VPS53: variants seen among roughly 807,000 people sequenced by gnomAD.
The protein encoded by VPS53 is vacuolar protein sorting-associated protein 53 homolog.
A neutral mutation model predicts 107.0 loss-of-function variants in VPS53; 70 were observed. That is an observed-to-expected ratio of 0.65 (90% CI 0.54 to 0.80). VPS53 has a LOEUF of 0.80. Among genes scored for constraint, VPS53 ranks in the 30% least tolerant of loss-of-function variants. The pLI is 0.00. For missense variants in VPS53, 917 were observed against 1,049.4 expected (o/e 0.87, Z 1.74); for synonymous variants, 409 against 393.3 (o/e 1.04, Z -0.47).
At chr17:674,639 G>C (rs933821501) in intron 4 of VPS53, 3 of 152,240 alleles carry the variant, frequency 2.0e-5, no homozygotes, top group Non-Finnish European at 4.4e-5. Flanking sequence ...TACTGAGGGG[G>C]ACCAAGCTGG....
intron 13 of VPS53, among the ~76,000 whole-genome samples, chr17:572,848 A>G (rs1914294921): frequency 6.6e-6 from 1 of 150,750 alleles, no homozygotes; most frequent in Admixed American, 6.6e-5. Context: ...GTTAAGAGTC[A>G]TCACCACTCC....
At chr17:584,113 C>T (rs1021876411) in intron 13 of VPS53, among the ~76,000 whole-genome samples, 2 of 152,244 alleles carry the variant, frequency 1.3e-5, no homozygotes, top group East Asian at 1.9e-4. Context: ...TCCTGAAGAA[C>T]TTCCCTCAGG....
At chr17:648,365 C>G (rs1970788710) in intron 7 of VPS53, among the ~76,000 whole-genome samples, 1 of 152,174 alleles carries the variant, frequency 6.6e-6, no homozygotes, top group African/African-American at 2.4e-5. Flanking sequence ...GCCTGGCCAA[C>G]ATGGTGAAAC....
chr17:661,518 CT>C (rs1489050545), intron 5 of VPS53, among the ~76,000 whole-genome samples: 1 of 79,606 alleles, frequency 1.3e-5, no homozygotes, highest in Non-Finnish European at 3.2e-5. Context: ...AAGACTCCAT[CT>C]CAAAAAAAAA....
At chr17:621,905 C>A (rs1969481644) in intron 11 of VPS53, among the ~76,000 whole-genome samples, 3 of 152,028 alleles carry the variant, frequency 2.0e-5, no homozygotes, top group South Asian at 4.1e-4. Flanking sequence ...TATTTAGTCT[C>A]CCTAATATTC....
chr17:673,702 T>C (rs888303169), intron 4 of VPS53: 3 of 152,252 alleles, frequency 2.0e-5, no homozygotes, highest in Non-Finnish European at 4.4e-5. Flanking sequence ...ACCTGGAGTA[T>C]AAGAAGGCTT....
intron 12 of VPS53, among the ~76,000 whole-genome samples, chr17:586,992 G>C (rs1486095446): frequency 6.6e-6 from 1 of 152,018 alleles, no homozygotes; most frequent in African/African-American, 2.4e-5. Flanking sequence ...ACAACCAATA[G>C]AGGATTGTTA....
intron 4 of VPS53, among the ~76,000 whole-genome samples, chr17:663,419 G>A (rs564165765): frequency 4.6e-5 from 7 of 152,164 alleles, no homozygotes; most frequent in South Asian, 2.1e-4. Context: ...TGGACCGTCC[G>A]TGAGTAAAGA....
intron 7 of VPS53, among the ~76,000 whole-genome samples, chr17:648,202 G>A (rs949604662): frequency 4.6e-5 from 7 of 152,176 alleles, no homozygotes; most frequent in African/African-American, 1.2e-4. Context: ...TCTCGCCCAC[G>A]AGCAGGTAGC....
intron 13 of VPS53, among the ~76,000 whole-genome samples, chr17:571,438 T>C (rs1334704622): frequency 6.6e-6 from 1 of 152,054 alleles, no homozygotes; most frequent in African/African-American, 2.4e-5. Context: ...TTCTGTAAGC[T>C]TGAAATTAAT....
At chr17:657,012 CT>C in intron 5 of VPS53, 1 of 873,148 alleles carries the variant, frequency 1.1e-6, no homozygotes, top group Non-Finnish European at 2.0e-6. Flanking sequence ...ATCACACCAA[CT>C]CTTCCCAGGT....
intron 13 of VPS53, among the ~76,000 whole-genome samples, chr17:563,158 A>C (rs780149780): frequency 2.0e-5 from 3 of 152,176 alleles, no homozygotes; most frequent in Non-Finnish European, 4.4e-5. Context: ...TAATCCTTCT[A>C]TCATATTAGT....
intron 7 of VPS53, among the ~76,000 whole-genome samples, chr17:644,160 C>T (rs1020940175): frequency 2.0e-5 from 3 of 152,206 alleles, no homozygotes; most frequent in Admixed American, 6.5e-5. Flanking sequence ...AAACTCTTTC[C>T]TCCAATGCTA....
Position 668,681 on chromosome 17 carries a change from T to C in VPS53, c.286-6786A>G, listed in dbSNP as rs1332656669. Among the ~76,000 whole-genome samples, 5 of 152,210 alleles carry C rather than the reference T, an allele frequency of 3.3e-5. No homozygotes were observed. The East Asian group carries it at 7.7e-4, about 23-fold the overall frequency. ...CAGGTCATGTCATGTTATGGTGACA[T>C]GCTAATGGGACCATAGCTACTGTGT... is the stretch of plus-strand genomic sequence containing the variant. On this transcript the variant is annotated intron_variant, in intron 4 of 21. Coordinates refer to ENST00000437048, the MANE Select transcript of VPS53 (RefSeq NM_001128159.3).
intron 19 of VPS53, among the ~76,000 whole-genome samples, chr17:530,834 G>A (rs1006727370): frequency 1.3e-5 from 2 of 152,124 alleles, no homozygotes; most frequent in African/African-American, 4.8e-5. Flanking sequence ...CGAGGACTCT[G>A]GGGCCCAAAG....
intron 8 of VPS53, among the ~76,000 whole-genome samples, chr17:630,060 G>A (rs1393497683): frequency 3.9e-5 from 6 of 152,104 alleles, no homozygotes; most frequent in East Asian, 1.9e-4. Context: ...TTGGGAGGCC[G>A]AGGCGGGCGG....
Position 529,743 on chromosome 17 carries a change from T to C in VPS53, c.2085+3099A>G, listed in dbSNP as rs529722592. On this transcript the variant is annotated intron_variant, in intron 19 of 21. Coordinates refer to ENST00000437048, the MANE Select transcript of VPS53 (RefSeq NM_001128159.3). Reference sequence around the variant, plus strand: ...GGTATTTAATGTTTCCTGATGTTATTGTAAATGATTTCATTTAGGCCTGGG... The same window carrying C: ...GGTATTTAATGTTTCCTGATGTTATCGTAAATGATTTCATTTAGGCCTGGG... Among the ~76,000 whole-genome samples, 33 of 152,284 alleles carry C rather than the reference T, an allele frequency of 2.2e-4. No individual in the cohort carries two copies. In the South Asian group the frequency reaches 6.6e-3, roughly 31 times the overall value.
chr17:560,656 G>A, intron 14 of VPS53, 83 bp from the exon 15 acceptor site: 1 of 1,508,156 alleles, frequency 6.6e-7, no homozygotes, highest in East Asian at 2.3e-5. Flanking sequence ...TTAAGATACA[G>A]AAAAGGGGGA....
Position 517,472 on chromosome 17 carries a change from C to T in VPS53, c.*1656G>A, listed in dbSNP as rs1908389924. 2.5e-6 allele frequency: 1 copy of T among 398,526 alleles called. No individual in the cohort carries two copies. 24.7% of individuals were successfully genotyped at this position (398,526 alleles called of 1,614,324 possible). A position where few individuals can be genotyped will look rare whatever the true frequency, so the allele number is the denominator to read the frequency against. ...TCCAGGCAGATTTCCAAACCTTATT[C>T]CTACTGTACGGCTGTTACAAGTTTT... On this transcript the variant is annotated 3_prime_UTR_variant, in exon 22 of 22. Transcript: ENST00000437048.
Sources: allele counts gnomAD v4.1 joint callset (sites outside exome capture counted in the v4.1 genomes callset), GRCh38; gene constraint gnomAD v4.1.1; transcripts MANE v1.5; gene names NCBI Gene and HGNC (gene_info 2026-07-23, HGNC 2026-07-21).